MDGA2: variants seen among roughly 807,000 people sequenced by gnomAD.
MDGA2 encodes MAM domain-containing glycosylphosphatidylinositol anchor protein 2.
In MDGA2, 40 loss-of-function variants were observed where a neutral mutation model predicts 117.8. The observed-to-expected ratio is 0.34, with a 90% CI of 0.26 to 0.44. The LOEUF (loss-of-function observed/expected upper bound fraction) is 0.44. Among genes scored for constraint, MDGA2 ranks in the 20% least tolerant of loss-of-function variants. MDGA2 has a pLI of 1.00. For missense variants in MDGA2, 1,123 were observed against 1,250.6 expected (o/e 0.90, Z 1.54); for synonymous variants, 452 against 439.0 (o/e 1.03, Z -0.37).
At chr14:47,662,789 C>T (rs1897874307) in intron 1 of MDGA2, among the ~76,000 whole-genome samples, 1 of 152,048 alleles carries the variant, frequency 6.6e-6, no homozygotes, top group Admixed American at 6.6e-5. Flanking sequence ...GTTTCTAAAC[C>T]CCGATTTTCA....
chr14:47,333,178 A>G (rs977952094), intron 1 of MDGA2, among the ~76,000 whole-genome samples: 1 of 151,908 alleles, frequency 6.6e-6, no homozygotes, highest in Non-Finnish European at 1.5e-5. Flanking sequence ...TTGCTAGATT[A>G]AATGGTAGTT....
At chr14:47,502,701 C>A (rs1270747417) in intron 1 of MDGA2, among the ~76,000 whole-genome samples, 7 of 152,016 alleles carry the variant, frequency 4.6e-5, no homozygotes, top group Admixed American at 1.3e-4. Flanking sequence ...CAGAGTCTCA[C>A]TGTGTCACCC....
intron 8 of MDGA2, among the ~76,000 whole-genome samples, chr14:47,016,829 G>C (rs1010887396): frequency 1.3e-5 from 2 of 151,826 alleles, no homozygotes; most frequent in African/African-American, 2.4e-5. Flanking sequence ...AATCCACCTC[G>C]TATAGATCCA....
chr14:46,972,047 G>A (rs79534920), intron 8 of MDGA2, among the ~76,000 whole-genome samples: 16,994 of 152,052 alleles, frequency 0.11, 1,823 homozygotes, highest in African/African-American at 0.25. Context: ...CAAACCTGAG[G>A]TGGCAGGGGT....
intron 2 of MDGA2, among the ~76,000 whole-genome samples, chr14:47,256,828 A>AGAAG (rs901952926): frequency 2.6e-5 from 4 of 151,808 alleles, no homozygotes; most frequent in Non-Finnish European, 2.9e-5. Context: ...AAGAAAGGAA[A>AGAAG]GAAGGAAGGA....
At chr14:47,025,936 G>A (rs1888458014) in intron 8 of MDGA2, among the ~76,000 whole-genome samples, 1 of 152,092 alleles carries the variant, frequency 6.6e-6, no homozygotes, top group African/African-American at 2.4e-5. Flanking sequence ...TTATACCCTT[G>A]TGTATGAATT....
At chr14:47,000,314 T>C in intron 8 of MDGA2, among the ~76,000 whole-genome samples, 1 of 135,468 alleles carries the variant, frequency 7.4e-6, no homozygotes. Context: ...TCCAGACAGC[T>C]GTGAGTATAT....
intron 9 of MDGA2, 101 bp downstream of exon 9, chr14:46,957,273 C>G: frequency 8.6e-7 from 1 of 1,157,516 alleles, no homozygotes; most frequent in Non-Finnish European, 1.2e-6. Context: ...GTTCTATGCT[C>G]CATTGATTTA....
chr14:46,982,435 G>T (rs996485872), intron 8 of MDGA2, among the ~76,000 whole-genome samples: 3 of 151,716 alleles, frequency 2.0e-5, no homozygotes, highest in Non-Finnish European at 4.4e-5. Flanking sequence ...TGCTGGCTGG[G>T]CATGGTGGCT....
chr14:47,114,558 T>G (rs552726201), intron 5 of MDGA2, among the ~76,000 whole-genome samples: 84 of 152,110 alleles, frequency 5.5e-4, no homozygotes, highest in Non-Finnish European at 1.0e-3. Flanking sequence ...AGCAGGGTAG[T>G]GGTACAAAAC....
intron 14 of MDGA2, among the ~76,000 whole-genome samples, chr14:46,864,572 T>TTTTTTTA (rs1881660333): frequency 1.1e-5 from 1 of 89,420 alleles, no homozygotes; most frequent in Non-Finnish European, 2.3e-5. Flanking sequence ...TTTTTTTTTT[T>TTTTTTTA]ACAAATTAAA....
chr14:46,920,593 T>C (rs1884088983), intron 9 of MDGA2, among the ~76,000 whole-genome samples: 1 of 152,152 alleles, frequency 6.6e-6, no homozygotes, highest in Non-Finnish European at 1.5e-5. Context: ...GAATTTAAAT[T>C]TAAAGCCAAG....
chr14:46,924,588 C>A (rs1222322468), intron 9 of MDGA2, among the ~76,000 whole-genome samples: 4 of 151,632 alleles, frequency 2.6e-5, no homozygotes, highest in Non-Finnish European at 5.9e-5. Context: ...GTAAAACAGA[C>A]AATACATAGC....
chr14:47,378,565 T>C (rs1309284113), intron 1 of MDGA2, among the ~76,000 whole-genome samples: 5 of 152,078 alleles, frequency 3.3e-5, no homozygotes, highest in Non-Finnish European at 7.3e-5. Context: ...AACTAAGTGA[T>C]GCATGCACAA....
intron 1 of MDGA2, among the ~76,000 whole-genome samples, chr14:47,302,807 A>T (rs556746112): frequency 3.9e-4 from 59 of 152,262 alleles, no homozygotes; most frequent in African/African-American, 1.2e-3. Context: ...CTACCCATAG[A>T]GCTTAATAAT....
chr14:47,484,311 G>A (rs946815502), intron 1 of MDGA2, among the ~76,000 whole-genome samples: 2 of 152,050 alleles, frequency 1.3e-5, no homozygotes, highest in Non-Finnish European at 2.9e-5. Flanking sequence ...TTGGTCTTCA[G>A]TTTTCATACA....
At chr14:46,925,714 G>T (rs1046702952) in intron 9 of MDGA2, among the ~76,000 whole-genome samples, 1 of 145,678 alleles carries the variant, frequency 6.9e-6, no homozygotes, top group Non-Finnish European at 1.5e-5. Flanking sequence ...AAATATAAAC[G>T]AACACCATGG....
intron 2 of MDGA2, among the ~76,000 whole-genome samples, chr14:47,278,955 T>C (rs917884569): frequency 6.6e-6 from 1 of 152,212 alleles, no homozygotes. Flanking sequence ...GAAGGCTTTA[T>C]TATTTTTAAA....
chr14:47,415,302 A>G (rs1475347994), intron 1 of MDGA2, among the ~76,000 whole-genome samples: 1 of 152,184 alleles, frequency 6.6e-6, no homozygotes, highest in African/African-American at 2.4e-5. Context: ...GCAATATTCT[A>G]TAATTTAACC....
Sources: allele counts gnomAD v4.1 joint callset (sites outside exome capture counted in the v4.1 genomes callset), GRCh38; gene constraint gnomAD v4.1.1; transcripts MANE v1.5; gene names NCBI Gene and HGNC (gene_info 2026-07-23, HGNC 2026-07-21).